The following ZNF608 variants were observed in gnomAD, a reference collection of about 807,000 sequenced individuals.
ZNF608 encodes the protein renal carcinoma antigen NY-REN-36.
In ZNF608, 12 loss-of-function variants were observed where a neutral mutation model predicts 109.0. The ratio of observed to expected loss-of-function variants is 0.11; its 90% confidence interval spans 0.07 to 0.18. The LOEUF is 0.18. Ranked by LOEUF, ZNF608 falls within the 10% of genes least tolerant of loss-of-function variation. The pLI, the probability that ZNF608 is intolerant of heterozygous loss-of-function variation, is 1.00. For missense variants in ZNF608, 1,707 were observed against 1,879.3 expected (o/e 0.91, Z 1.70); for synonymous variants, 732 against 717.4 (o/e 1.02, Z -0.33).
chr5:124,722,582 C>T lies in ZNF608; in HGVS notation c.907-21313G>A, dbSNP rs111683524. On this transcript the variant is annotated intron_variant, in intron 2 of 9. Transcript: ENST00000513986. ...TATAAATAAACCCTTAAAATACACA[C>T]ACACACACACACACACACACACACA... 2.3e-4 allele frequency among the ~76,000 whole-genome samples: 4 copies of T among 17,700 alleles called. No homozygotes were observed. The South Asian group carries it at 4.7e-3, about 21-fold the overall frequency. The allele number at this position is 17,700 out of a possible 152,430, so 11.6% of individuals were successfully genotyped here. A position where few individuals can be genotyped will look rare whatever the true frequency, so the allele number is the denominator to read the frequency against.
rs1238520548 is a variant in ZNF608 at position 124,652,245 on chromosome 5, C to G, written c.1163-2548G>C. Among the ~76,000 whole-genome samples the G allele has an allele frequency of 3.9e-5, 6 of 152,316 alleles. No homozygotes were observed. In the South Asian group the frequency reaches 6.2e-4, roughly 16 times the overall value. ...TTCTGGAAGCCACACAAGCAGACCT[C>G]TTATCGAAGTACAAGTGATGCCGTT... is the stretch of plus-strand genomic sequence containing the variant. On this transcript the variant is annotated intron_variant, in intron 3 of 9. Coordinates refer to ENST00000513986, the MANE Select transcript of ZNF608 (RefSeq NM_020747.3).
intron 2 of ZNF608, among the ~76,000 whole-genome samples, chr5:124,723,116 C>T (rs143042248): frequency 0.016 from 2,471 of 151,594 alleles, 149 homozygotes; most frequent in Admixed American, 0.11. Flanking sequence ...CTGCAGCCTC[C>T]GCCTCCCCAG....
rs557504942 is a variant in ZNF608 at position 124,690,431 on chromosome 5, G to T, written c.1162+10583C>A. Among the ~76,000 whole-genome samples the T allele has an allele frequency of 6.6e-5, 10 of 152,326 alleles. No homozygotes were observed. In the South Asian group the frequency reaches 1.9e-3, roughly 28 times the overall value. On this transcript the variant is annotated intron_variant, in intron 3 of 9. Coordinates refer to ENST00000513986, the MANE Select transcript of ZNF608 (RefSeq NM_020747.3). The stretch of plus-strand genomic sequence containing the variant: ...ATTGTAACACATGTACCACTCTGGT[G>T]GGGAATGTTGATAATGGATACGCTA...
chr5:124,673,063 A>G (rs2149815621), intron 3 of ZNF608, among the ~76,000 whole-genome samples: 1 of 152,272 alleles, frequency 6.6e-6, no homozygotes, highest in Admixed American at 6.5e-5. Flanking sequence ...ACATGCAATT[A>G]ATACATTTCT....
At position 124,661,716 on chromosome 5, in the gene ZNF608, T is replaced by A. The variant is rs1400836222; in HGVS notation, c.1163-12019A>T. The stretch of plus-strand genomic sequence containing the variant: ...AGCCTGCTCGGTGTCACTGCTTTAC[T>A]GTCTATTTCTATATACTCTGTGTGT... On this transcript the variant is annotated intron_variant, in intron 3 of 9. Transcript: ENST00000513986. Among the ~76,000 whole-genome samples, 10 of 152,214 alleles carry A rather than the reference T, an allele frequency of 6.6e-5. No individual in the cohort carries two copies. The East Asian group carries it at 1.9e-3, about 29-fold the overall frequency.
Position 124,648,481 on chromosome 5 carries a change from CAGG to C in ZNF608, c.1900_1902del (p.Pro634del). The C allele has an allele frequency of 6.2e-7, 1 of 1,614,198 alleles. No individual in the cohort carries two copies. The highest frequency in any genetic ancestry group is 8.5e-7 in the Non-Finnish European group (1 of 1,180,040). On this transcript the variant is annotated inframe_deletion, in exon 5 of 10. Transcript: ENST00000513986. ...AGCTCTCTCTTTCCCTTTGGGGTCC[CAGG>C]TGGGTTTCCAGCACCAGGGGATGCC...
In ZNF608 at chr5:124,745,063, C is replaced by A; in HGVS notation, c.-74G>T. ...AGATGAGGGGACATTCGTTTATCTC[C>A]GCTGGGCTTTCTCTCAAAGAAAAAA... On this transcript the variant is annotated 5_prime_UTR_variant, in exon 2 of 10. Transcript: ENST00000513986. 1 of 1,513,244 alleles carries A rather than the reference C, an allele frequency of 6.6e-7. No individual in the cohort carries two copies. The highest frequency in any genetic ancestry group is 8.8e-7 in the Non-Finnish European group (1 of 1,140,716). The allele number at this position is 1,513,244 out of a possible 1,614,324, so 93.7% of individuals were successfully genotyped here.
At chr5:124,743,975 A>T in intron 2 of ZNF608, 109 bp downstream of exon 2, 1 of 1,452,358 alleles carries the variant, frequency 6.9e-7, no homozygotes, top group Non-Finnish European at 9.2e-7. Flanking sequence ...GAAATCTCAC[A>T]AAGAACCAGA....
chr5:124,744,514 C>T lies in ZNF608; in HGVS notation c.476G>A (p.Ser159Asn), dbSNP rs769874746. Reference sequence around the variant, plus strand: ...GCTGTTTGGGTTGCCGCTGCCGCCGCTGCTCACACTTTGACCCAGCGCTGA... The same window carrying T: ...GCTGTTTGGGTTGCCGCTGCCGCCGTTGCTCACACTTTGACCCAGCGCTGA... ...MNSALGQSVS[S>N]GGSGNPNSNS... The change falls in exon 2 of 10, where the codon AGC (serine) becomes AAC (asparagine). Residue 159 changes from serine to asparagine, a missense_variant. Ser to Asn is a conservative substitution (Grantham distance 46). Around this residue, in one of 7 missense-constraint regions of ZNF608, gnomAD observed 407 missense variants for 398.7 expected, o/e 1.02. Coordinates refer to ENST00000513986, the MANE Select transcript of ZNF608 (RefSeq NM_020747.3). This position sits in a 1 kb window ranked among gnomAD's most constrained non-coding sequence, Gnocchi z 4.5. The T allele has an allele frequency of 1.2e-5, 20 of 1,614,262 alleles. No homozygotes were observed. The East Asian group carries it at 1.6e-4, about 13-fold the overall frequency.
At chr5:124,684,351 CAT>C (rs1752319601) in intron 3 of ZNF608, among the ~76,000 whole-genome samples, 1 of 152,168 alleles carries the variant, frequency 6.6e-6, no homozygotes, top group Non-Finnish European at 1.5e-5. Context: ...TCACTGTACA[CAT>C]GAGGAAAGTG....
intron 3 of ZNF608, among the ~76,000 whole-genome samples, chr5:124,657,848 A>C (rs1751081651): frequency 6.6e-6 from 1 of 152,212 alleles, no homozygotes; most frequent in African/African-American, 2.4e-5. Flanking sequence ...AACAAAGAGC[A>C]TCATAAAAAA....
upstream of ZNF608, among the ~76,000 whole-genome samples, chr5:124,747,338 C>A (rs1039006867): frequency 6.6e-5 from 10 of 151,420 alleles, no homozygotes; most frequent in Non-Finnish European, 7.4e-5. Flanking sequence ...AATTAGCTGG[C>A]GTTTGGAAGC....
At chr5:124,682,888 T>A (rs1345181573) in intron 3 of ZNF608, among the ~76,000 whole-genome samples, 2 of 152,216 alleles carry the variant, frequency 1.3e-5, no homozygotes, top group South Asian at 4.1e-4. Context: ...CCTCTTGGCA[T>A]TCACACTCTT....
intron 3 of ZNF608, among the ~76,000 whole-genome samples, chr5:124,673,333 G>A (rs776632420): frequency 6.6e-5 from 10 of 152,134 alleles, no homozygotes; most frequent in Non-Finnish European, 1.0e-4. Context: ...ATACAGATAC[G>A]TAGATATCTC....
chr5:124,700,362 T>G (rs963321728), intron 3 of ZNF608, among the ~76,000 whole-genome samples: 4 of 152,270 alleles, frequency 2.6e-5, no homozygotes, highest in Non-Finnish European at 5.9e-5. Context: ...CCAATAGCAA[T>G]GATAGATTAA....
At chr5:124,683,751 G>A (rs1335671418) in intron 3 of ZNF608, among the ~76,000 whole-genome samples, 3 of 152,064 alleles carry the variant, frequency 2.0e-5, no homozygotes, top group Admixed American at 6.5e-5. Flanking sequence ...GTTAACTCTC[G>A]TGCATCCAAT....
intron 3 of ZNF608, among the ~76,000 whole-genome samples, chr5:124,663,061 G>A (rs996637567): frequency 2.6e-5 from 4 of 152,160 alleles, no homozygotes; most frequent in Non-Finnish European, 5.9e-5. Context: ...TCCTTCTGAT[G>A]TCCTTTGCTT....
chr5:124,718,581 T>C (rs556577291), intron 2 of ZNF608, among the ~76,000 whole-genome samples: 1 of 152,320 alleles, frequency 6.6e-6, no homozygotes, highest in Admixed American at 6.5e-5. Flanking sequence ...TAACAGCCAA[T>C]CCTCTGTTTT....
chr5:124,718,200 A>G (rs1034613541), intron 2 of ZNF608, among the ~76,000 whole-genome samples: 7 of 152,202 alleles, frequency 4.6e-5, no homozygotes, highest in African/African-American at 1.7e-4. Flanking sequence ...TGCCATCCCA[A>G]CTTGTACATC....
Sources: gnomAD v4.1 joint callset for allele counts (sites outside exome capture counted in the v4.1 genomes callset) on GRCh38, gnomAD v4.1.1 for gene constraint, gnomAD v4.1.1 regional missense constraint, Gnocchi (gnomAD v3.1) non-coding constraint, MANE v1.5 for transcripts, NCBI Gene and HGNC (gene_info 2026-07-23, HGNC 2026-07-21) for gene names.